Variants in OPRM1 observed in about 807,000 individuals in gnomAD.
OPRM1 encodes the protein opioid receptor mu 1.
In OPRM1, 27 loss-of-function variants were observed where a neutral mutation model predicts 31.8. The ratio of observed to expected loss-of-function variants is 0.85; its 90% CI spans 0.63 to 1.17. The LOEUF is 1.17. OPRM1 is among the 50% of genes most tolerant of loss of function. The probability of loss-of-function intolerance (pLI) is 0.00; values close to 1 mark genes in which losing one functional copy is unlikely to be tolerated. For missense variants in OPRM1, 536 were observed against 511.1 expected, an observed-to-expected ratio of 1.05 and a Z score of -0.47; for synonymous variants, 196 against 189.9, an observed-to-expected ratio of 1.03 and a Z score of -0.26.
intron 3 of OPRM1, among the ~76,000 whole-genome samples, chr6:154,220,976 G>C (rs1778820054): frequency 1.3e-5 from 2 of 152,198 alleles, no homozygotes; most frequent in African/African-American, 4.8e-5. Context: ...TCCTTGTGAT[G>C]CTGATTCTCC....
chr6:154,175,136 C>T (rs935940523), intron 3 of OPRM1, among the ~76,000 whole-genome samples: 3 of 152,170 alleles, frequency 2.0e-5, no homozygotes, highest in African/African-American at 7.2e-5. Context: ...AGAACAAAGA[C>T]ACAACGTACC....
chr6:154,198,589 C>A (rs1776812350), intron 3 of OPRM1, among the ~76,000 whole-genome samples: 2 of 150,950 alleles, frequency 1.3e-5, no homozygotes, highest in East Asian at 3.9e-4. Context: ...GAATTAGTTA[C>A]CAGGCTGAGT....
chr6:154,029,496 C>T (rs1778886907), intron 1 of OPRM1, among the ~76,000 whole-genome samples: 1 of 152,056 alleles, frequency 6.6e-6, no homozygotes, highest in Non-Finnish European at 1.5e-5. Context: ...AATATGAGTA[C>T]AATGCATAAA....
intron 3 of OPRM1, among the ~76,000 whole-genome samples, chr6:154,219,987 T>A (rs967095166): frequency 6.9e-5 from 2 of 28,992 alleles, no homozygotes; most frequent in African/African-American, 3.4e-4. Context: ...CTGTAAGGAG[T>A]GTGTGTGTGT....
chr6:154,025,176 A>C (rs1778621714), intron 1 of OPRM1, among the ~76,000 whole-genome samples: 3 of 151,952 alleles, frequency 2.0e-5, no homozygotes, highest in African/African-American at 7.2e-5. Flanking sequence ...CTCTCATAAT[A>C]CTTGCTTTAT....
chr6:154,039,433 A>G lies in OPRM1; in HGVS notation c.-112A>G, dbSNP rs1779560227. On this transcript the variant is annotated 5_prime_UTR_variant, in exon 1 of 4. Coordinates refer to ENST00000330432, the MANE Select transcript of OPRM1 (RefSeq NM_000914.5). The stretch of plus-strand genomic sequence containing the variant: ...CAGCCAGGACTGGTTTCTGTAAGAA[A>G]CAGCAGGAGCTGTGGCAGCGGCGAA... 5 of 1,551,334 alleles carry G rather than the reference A, an allele frequency of 3.2e-6. No individual in the cohort carries two copies. Among genetic ancestry groups the G allele is most frequent in the Non-Finnish European group, 4.4e-6 (5 of 1,146,838 alleles).
chr6:154,193,917 T>C (rs1172157157), intron 3 of OPRM1, among the ~76,000 whole-genome samples: 2 of 152,134 alleles, frequency 1.3e-5, no homozygotes, highest in African/African-American at 4.8e-5. Context: ...ACAATTCTAG[T>C]AGCATAGTAT....
At chr6:154,112,146 T>C (rs535752862) in intron 3 of OPRM1, among the ~76,000 whole-genome samples, 175 of 152,310 alleles carry the variant, frequency 1.1e-3, no homozygotes, top group Non-Finnish European at 2.1e-3. Context: ...ATCTAACATA[T>C]GTGTCTAAGT....
chr6:154,216,515 G>T (rs1279458364), intron 3 of OPRM1, among the ~76,000 whole-genome samples: 1 of 152,148 alleles, frequency 6.6e-6, no homozygotes, highest in African/African-American at 2.4e-5. Context: ...AAAACGATAT[G>T]TTTTTGTATG....
At chr6:154,095,536 T>C (rs1793214306) in intron 3 of OPRM1, among the ~76,000 whole-genome samples, 1 of 152,220 alleles carries the variant, frequency 6.6e-6, no homozygotes, top group African/African-American at 2.4e-5. Flanking sequence ...TTTGCTACTC[T>C]GATCCAATGT....
intron 1 of OPRM1, among the ~76,000 whole-genome samples, chr6:154,066,350 AT>A (rs570999510): frequency 2.4e-4 from 36 of 151,910 alleles, no homozygotes; most frequent in African/African-American, 7.0e-4. Flanking sequence ...TTGGTATTTG[AT>A]TTTTTTTAAG....
intron 3 of OPRM1, among the ~76,000 whole-genome samples, chr6:154,138,772 A>G (rs563855041): frequency 2.0e-5 from 3 of 152,348 alleles, no homozygotes; most frequent in Middle Eastern, 3.4e-3. Context: ...GTACTAGACG[A>G]CTAACATTAG....
At position 154,039,471 on chromosome 6, in the gene OPRM1, A is replaced by C; in HGVS notation, c.-74A>C. 2 of 1,554,928 alleles carry C rather than the reference A, an allele frequency of 1.3e-6. No homozygotes were observed. The highest frequency in any genetic ancestry group is 1.7e-6 in the Non-Finnish European group (2 of 1,148,870). Reference sequence around the variant, plus strand: ...TGGCAGCGGCGAAAGGAAGCGGCTGAGGCGCTTGGAACCCGAAAAGTCTCG... The same window carrying C: ...TGGCAGCGGCGAAAGGAAGCGGCTGCGGCGCTTGGAACCCGAAAAGTCTCG... On this transcript the variant is annotated 5_prime_UTR_variant, in exon 1 of 4. Transcript: ENST00000330432.
intron 3 of OPRM1, among the ~76,000 whole-genome samples, chr6:154,209,388 C>T (rs1436789799): frequency 1.3e-5 from 2 of 152,126 alleles, no homozygotes; most frequent in Non-Finnish European, 2.9e-5. Context: ...CAGTGGCTTA[C>T]GCTTGTAATC....
intron 3 of OPRM1, among the ~76,000 whole-genome samples, chr6:154,178,379 T>C (rs1800538172): frequency 6.6e-6 from 1 of 152,200 alleles, no homozygotes; most frequent in African/African-American, 2.4e-5. Context: ...TAGGATAACA[T>C]GGCATATAAT....
At chr6:154,208,410 C>A (rs1374823938) in intron 3 of OPRM1, among the ~76,000 whole-genome samples, 1 of 152,330 alleles carries the variant, frequency 6.6e-6, no homozygotes, top group South Asian at 2.1e-4. Flanking sequence ...CCTGGCTCCT[C>A]TATTCTTTGC....
intron 3 of OPRM1, chr6:154,094,366 G>C (rs1792979054): frequency 4.1e-6 from 2 of 493,002 alleles, no homozygotes; most frequent in East Asian, 1.4e-4. Flanking sequence ...AATAAGCTTA[G>C]AGTCATACTT....
intron 3 of OPRM1, among the ~76,000 whole-genome samples, chr6:154,224,919 T>C (rs992220839): frequency 6.6e-6 from 1 of 152,186 alleles, no homozygotes; most frequent in Non-Finnish European, 1.5e-5. Flanking sequence ...ATTCAAAGAA[T>C]ACAGACTAAG....
chr6:154,229,546 A>G (rs1225642497), intron 3 of OPRM1, among the ~76,000 whole-genome samples: 4 of 150,476 alleles, frequency 2.7e-5, no homozygotes, highest in Admixed American at 1.3e-4. Flanking sequence ...TTTAGTAGAG[A>G]TGGGGTTCGC....
Sources: gnomAD v4.1 joint callset for allele counts (sites outside exome capture counted in the v4.1 genomes callset) on GRCh38, gnomAD v4.1.1 for gene constraint, MANE v1.5 for transcripts, NCBI Gene and HGNC (gene_info 2026-07-23, HGNC 2026-07-21) for gene names.